Variants in OR2A12 observed in about 807,000 individuals in gnomAD.
OR2A12 encodes olfactory receptor family 2 subfamily A member 12, also known as olfactory receptor 2A12.
For missense variants in OR2A12, 380 were observed against 372.5 expected, an observed-to-expected ratio of 1.02 and a Z score of -0.17; for synonymous variants, 153 against 149.3, an observed-to-expected ratio of 1.02 and a Z score of -0.18.
Position 144,095,554 on chromosome 7 carries a change from A to G in OR2A12, c.447A>G (p.Ile149Met), listed in dbSNP as rs200293184. The change falls in exon 2 of 2, where the codon ATA (isoleucine) becomes ATG (methionine). Residue 149 changes from isoleucine to methionine, a missense_variant. By Grantham distance (10) the Ile-to-Met change is conservative (BLOSUM62 1). Coordinates refer to ENST00000641592, the MANE Select transcript of OR2A12 (RefSeq NM_001004135.2). ...CTGTCCTGGCCTCAACTTGCTGGAT[A>G]TTTAGCTTTCTCTTGGCTCTGGTCC... Reference protein sequence around the residue: ...VCTVLASTCWIFSFLLALVHI... With the variant: ...VCTVLASTCWMFSFLLALVHI... 2,487 of 1,614,028 alleles carry G rather than the reference A, an allele frequency of 1.5e-3. 6 individuals are homozygous for G. The highest frequency in any genetic ancestry group is 2.0e-3 in the Non-Finnish European group (2,328 of 1,179,990).
chr7:144,098,680 T>C lies in OR2A12; in HGVS notation c.*2640T>C, dbSNP rs1210860358. On this transcript the variant is annotated 3_prime_UTR_variant, in exon 2 of 2. Transcript: ENST00000641592. ...GGTGCCAAGCATCGTCGAGCTCTAGTGGGGACTTTCTTCTGGCTTTCAGAG... is the reference window on the plus strand; with the variant it reads ...GGTGCCAAGCATCGTCGAGCTCTAGCGGGGACTTTCTTCTGGCTTTCAGAG... 1 of 152,188 alleles carries C rather than the reference T, an allele frequency of 6.6e-6. No homozygotes were observed. Among genetic ancestry groups the C allele is most frequent in the South Asian group, 2.1e-4 (1 of 4,826 alleles). The allele number at this position is 152,188 out of a possible 1,614,324, so 9.4% of individuals were successfully genotyped here.
At chr7:144,093,592 A>AG (rs1351439092) in intron 1 of OR2A12, among the ~76,000 whole-genome samples, 7 of 151,018 alleles carry the variant, frequency 4.6e-5, no homozygotes, top group African/African-American at 7.3e-5. Context: ...CTCGTCATTT[A>AG]CATTAGGTAT....
In OR2A12 at chr7:144,097,489, T is replaced by C. The variant is rs1193919467; in HGVS notation, c.*1449T>C. 1.3e-5 allele frequency: 2 copies of C among 152,158 alleles called. No homozygotes were observed. The highest frequency in any genetic ancestry group is 1.3e-4 in the Admixed American group (2 of 15,278). The allele number at this position is 152,158 out of a possible 1,614,324, so 9.4% of individuals were successfully genotyped here. Reference sequence around the variant, plus strand: ...TCAATATCGCAGCAGGGTGTGTGGATGTGTGCAGAACTCAACAAACTAATC... The same window carrying C: ...TCAATATCGCAGCAGGGTGTGTGGACGTGTGCAGAACTCAACAAACTAATC... On this transcript the variant is annotated 3_prime_UTR_variant, in exon 2 of 2. Coordinates refer to ENST00000641592, the MANE Select transcript of OR2A12 (RefSeq NM_001004135.2).
chr7:144,096,901 T>C lies in OR2A12; in HGVS notation c.*861T>C, dbSNP rs2051268486. 1 of 152,158 alleles carries C rather than the reference T, an allele frequency of 6.6e-6. No homozygotes were observed. Among genetic ancestry groups the C allele is most frequent in the South Asian group, 2.1e-4 (1 of 4,832 alleles). The allele number at this position is 152,158 out of a possible 1,614,324, so 9.4% of individuals were successfully genotyped here. On this transcript the variant is annotated 3_prime_UTR_variant, in exon 2 of 2. Transcript: ENST00000641592. ...AGACGTCATGGTTAATGGTGAAATG[T>C]TAGCATCTGTCCTTTTCGGGTAAAG...
rs1425222071 is a variant in OR2A12, at chr7:144,097,147, AATT to A, written c.*1110_*1112del. On this transcript the variant is annotated 3_prime_UTR_variant, in exon 2 of 2. Transcript: ENST00000641592. ...ACTGTATATGTAGGAAATTCAAAAG[AATT>A]ATAAGAAATTTTAAAGTAGCTTGAT... is the stretch of plus-strand genomic sequence containing the variant. The A allele has an allele frequency of 6.6e-6, 1 of 152,140 alleles. No individual in the cohort carries two copies. Among genetic ancestry groups the A allele is most frequent in the East Asian group, 1.9e-4 (1 of 5,204 alleles). The allele number at this position is 152,140 out of a possible 1,614,324, so 9.4% of individuals were successfully genotyped here.
intron 1 of OR2A12, among the ~76,000 whole-genome samples, chr7:144,093,494 A>G (rs1043439287): frequency 1.3e-5 from 2 of 151,642 alleles, no homozygotes; most frequent in Non-Finnish European, 2.9e-5. Flanking sequence ...CTTTTTTTTA[A>G]TACTTTAAGT....
At position 144,095,225 on chromosome 7, in the gene OR2A12, G is replaced by A; in HGVS notation, c.118G>A (p.Gly40Arg). ...GCTATTCTACAGCTTAACCCTGATG[G>A]GAAATGGGATTATCCTGGGGCTCAT... is the stretch of plus-strand genomic sequence containing the variant. ...FLLFYSLTLM[G>R]NGIILGLIYL... The change falls in exon 2 of 2, where the codon GGA becomes AGA. Residue 40 changes from glycine (G) to arginine (R), a missense_variant. Coordinates refer to ENST00000641592, the MANE Select transcript of OR2A12 (RefSeq NM_001004135.2). 2 of 1,613,918 alleles carry A rather than the reference G, an allele frequency of 1.2e-6. No individual in the cohort carries two copies. The highest frequency in any genetic ancestry group is 1.7e-6 in the Non-Finnish European group (2 of 1,179,894).
Position 144,095,846 on chromosome 7 carries a change from G to T in OR2A12, c.739G>T (p.Val247Leu). ...TACCTGCTCCTCCCACCTCTGCGTG[G>T]TGGGGCTTTTCTTTGGCAGCGCCAT... ...FSTCSSHLCV[V>L]GLFFGSAIVM... The change falls in exon 2 of 2, where the codon GTG (valine) becomes TTG (leucine). Residue 247 changes from valine to leucine, a missense_variant. Coordinates refer to ENST00000641592, the MANE Select transcript of OR2A12 (RefSeq NM_001004135.2). 1.2e-6 allele frequency: 2 copies of T among 1,614,152 alleles called. No homozygotes were observed. Among genetic ancestry groups the T allele is most frequent in the Non-Finnish European group, 1.7e-6 (2 of 1,180,032 alleles).
intron 1 of OR2A12, among the ~76,000 whole-genome samples, chr7:144,088,076 C>T (rs763971981): frequency 1.2e-4 from 19 of 152,180 alleles, no homozygotes; most frequent in East Asian, 1.9e-4. Context: ...TGCAGTGGCA[C>T]GATTTTGGCT....
At position 144,086,545 on chromosome 7, in the gene OR2A12, T is replaced by G. The variant is rs2051188737; in HGVS notation, c.-52+2T>G. The G allele has an allele frequency of 1.3e-5, 2 of 152,258 alleles. No individual in the cohort carries two copies. The highest frequency in any genetic ancestry group is 2.9e-5 in the Non-Finnish European group (2 of 68,124). The allele number at this position is 152,258 out of a possible 1,614,324, so 9.4% of individuals were successfully genotyped here. ...TATGTTGTTCTCTGGACTCCACAGG[T>G]ATGTCTCTGGATAATGGGCCTCTTT... On this transcript the variant is annotated splice_donor_variant, in intron 1 of 1. Coordinates refer to ENST00000641592, the MANE Select transcript of OR2A12 (RefSeq NM_001004135.2). LOFTEE classifies it low-confidence loss of function (5UTR_SPLICE).
intron 1 of OR2A12, among the ~76,000 whole-genome samples, chr7:144,093,905 C>A (rs1404490512): frequency 6.6e-6 from 1 of 151,870 alleles, no homozygotes; most frequent in African/African-American, 2.4e-5. Context: ...GGTTCCAAGT[C>A]TTTGCTATTG....
chr7:144,089,213 C>G (rs78726744), intron 1 of OR2A12, among the ~76,000 whole-genome samples: 79 of 151,984 alleles, frequency 5.2e-4, no homozygotes, highest in African/African-American at 1.6e-3. Context: ...TATAGTATCA[C>G]CTACATGCTT....
rs750297905 is a variant in OR2A12 at position 144,095,588 on chromosome 7, C to T, written c.481C>T (p.Leu161Phe). Residue 161 changes from leucine to phenylalanine, a missense_variant, in exon 2 of 2, where the codon CTT (leucine) becomes TTT (phenylalanine). By Grantham distance (22) the Leu-to-Phe change is conservative (BLOSUM62 0). Transcript: ENST00000641592. ...SFLLALVHIT[L>F]ILRLPFCGPQ... is the part of the protein sequence containing the mutation. ...TCTCTTGGCTCTGGTCCATATTACT[C>T]TTATTCTGAGGCTGCCTTTTTGTGG... The T allele has an allele frequency of 6.2e-7, 1 of 1,614,130 alleles. No homozygotes were observed. The highest frequency in any genetic ancestry group is 8.5e-7 in the Non-Finnish European group (1 of 1,180,014).
chr7:144,093,531 G>A (rs556146755), intron 1 of OR2A12, among the ~76,000 whole-genome samples: 8 of 151,848 alleles, frequency 5.3e-5, no homozygotes, highest in Admixed American at 2.0e-4. Flanking sequence ...ACAACTTGCA[G>A]GTTTGTTACA....
intron 1 of OR2A12, among the ~76,000 whole-genome samples, chr7:144,089,704 T>C (rs890680952): frequency 2.6e-5 from 4 of 152,208 alleles, no homozygotes; most frequent in Non-Finnish European, 5.9e-5. Flanking sequence ...GTTTAATACA[T>C]TATTTTAACA....
In OR2A12 at chr7:144,097,172, T is replaced by C. The variant is rs2051271132; in HGVS notation, c.*1132T>C. 1 of 151,992 alleles carries C rather than the reference T, an allele frequency of 6.6e-6. No individual in the cohort carries two copies. The highest frequency in any genetic ancestry group is 6.6e-5 in the Admixed American group (1 of 15,244). The allele number at this position is 151,992 out of a possible 1,614,324, so 9.4% of individuals were successfully genotyped here. A position where few individuals can be genotyped will look rare whatever the true frequency, so the allele number is the denominator to read the frequency against. On this transcript the variant is annotated 3_prime_UTR_variant, in exon 2 of 2. Coordinates refer to ENST00000641592, the MANE Select transcript of OR2A12 (RefSeq NM_001004135.2). ...AATTATAAGAAATTTTAAAGTAGCT[T>C]GATACAAAATCAATATAAAAATATA...
chr7:144,088,169 G>A (rs1294572070), intron 1 of OR2A12, among the ~76,000 whole-genome samples: 1 of 152,030 alleles, frequency 6.6e-6, no homozygotes. Flanking sequence ...CCAACACCAC[G>A]CCCTCCTAAT....
In OR2A12 at chr7:144,095,179, G is replaced by T. The variant is rs757622859; in HGVS notation, c.72G>T (p.Leu24Phe). ...LGFQVDPALE[L>F]FLFGFFLLFY... ...TCCAGGTGGACCCAGCTCTGGAGTT[G>T]TTCCTCTTTGGGTTTTTCTTGCTAT... The change falls in exon 2 of 2, where the codon TTG becomes TTT. Residue 24 changes from leucine to phenylalanine, a missense_variant. Transcript: ENST00000641592. 9 of 1,614,106 alleles carry T rather than the reference G, an allele frequency of 5.6e-6. No individual in the cohort carries two copies. Among genetic ancestry groups the T allele is most frequent in the Non-Finnish European group, 2.5e-6 (3 of 1,179,988 alleles).
intron 1 of OR2A12, among the ~76,000 whole-genome samples, chr7:144,086,774 T>C (rs1193295662): frequency 6.6e-6 from 1 of 152,220 alleles, no homozygotes; most frequent in Non-Finnish European, 1.5e-5. Flanking sequence ...CCAGAAATAG[T>C]ATCTTCCTTT....
Sources: gnomAD v4.1 joint callset for allele counts (sites outside exome capture counted in the v4.1 genomes callset) on GRCh38, gnomAD v4.1.1 for gene constraint, MANE v1.5 for transcripts, NCBI Gene and HGNC (gene_info 2026-07-23, HGNC 2026-07-21) for gene names.